Variants in ZUP1 observed in about 807,000 individuals in gnomAD.
The protein encoded by ZUP1 is zinc finger-containing ubiquitin peptidase 1.
ZUP1 carries 55 observed loss-of-function variants against 68.1 expected under a neutral mutation model. The observed-to-expected ratio is 0.81, with a 90% CI of 0.65 to 1.01. The LOEUF is 1.01. ZUP1 is among the 50% of genes least tolerant of loss of function. The probability of loss-of-function intolerance (pLI) is 0.00; values close to 1 mark genes in which losing one functional copy is unlikely to be tolerated. For missense variants in ZUP1, 684 were observed against 674.9 expected (o/e 1.01, Z -0.15); for synonymous variants, 223 against 221.5 (o/e 1.01, Z -0.06).
Position 116,660,959 on chromosome 6 carries a change from G to C in ZUP1, c.560-113C>G. 6 of 602,010 alleles carry C rather than the reference G, an allele frequency of 1.0e-5. No individual in the cohort carries two copies. In the South Asian group the frequency reaches 1.3e-4, roughly 13 times the overall value. 37.3% of individuals were successfully genotyped at this position (602,010 alleles called of 1,614,324 possible). A position where few individuals can be genotyped will look rare whatever the true frequency, so the allele number is the denominator to read the frequency against. ...CTGTTGCCCAGGCTGGCGTGCAGTG[G>C]CACCATCACGGCTCACTGCAGCAAT... On this transcript the variant is annotated intron_variant, in intron 2 of 9. Coordinates refer to ENST00000368576, the MANE Select transcript of ZUP1 (RefSeq NM_145062.3).
chr6:116,645,631 G>A, intron 9 of ZUP1, 83 bp downstream of exon 9: 13 of 856,018 alleles, frequency 1.5e-5, no homozygotes, highest in South Asian at 5.8e-5. Flanking sequence ...AGAAAAAAGT[G>A]ATAACACTGA....
At position 116,652,073 on chromosome 6, in the gene ZUP1, C is replaced by CACAA; in HGVS notation, c.1077_1080dup (p.Gly361LeufsTer17). 1 of 1,613,876 alleles carries CACAA rather than the reference C, an allele frequency of 6.2e-7. No individual in the cohort carries two copies. The highest frequency in any genetic ancestry group is 1.1e-5 in the South Asian group (1 of 91,060). The stretch of plus-strand genomic sequence containing the variant: ...AGTAGCATTTGGAAATTTCTGTAAC[C>CACAA]ACAACCCCAACCTTTGTCGCCTAAA... On this transcript the variant is annotated frameshift_variant, in exon 6 of 10. Transcript: ENST00000368576. LOFTEE classifies it high-confidence loss of function.
intron 1 of ZUP1, 48 bp from the exon 2 acceptor site, chr6:116,667,255 T>C: frequency 7.7e-7 from 1 of 1,298,950 alleles, no homozygotes; most frequent in East Asian, 2.5e-5. Flanking sequence ...AGAAAAAATG[T>C]GTTTCATAAA....
intron 9 of ZUP1, among the ~76,000 whole-genome samples, chr6:116,642,064 G>A (rs1019094524): frequency 1.2e-4 from 18 of 152,034 alleles, no homozygotes; most frequent in African/African-American, 3.9e-4. Context: ...ACACCTCTAC[G>A]CAAATAAACT....
chr6:116,656,725 G>A lies in ZUP1; in HGVS notation c.920C>T (p.Ser307Leu), dbSNP rs760363482. 3.1e-6 allele frequency: 5 copies of A among 1,609,790 alleles called. No individual in the cohort carries two copies. In the African/African-American group the frequency reaches 4.0e-5, roughly 13 times the overall value. ...TCCATCGTCAAAACCAAGAGCTAAT[G>A]ATTCCATCATATCAGCTTTTCTCCT... is the stretch of plus-strand genomic sequence containing the variant. ...FHRRKADMME[S>L]LALGFDDGKT... Residue 307 changes from serine (S) to leucine (L), a missense_variant, in exon 5 of 10, where the codon TCA becomes TTA. Coordinates refer to ENST00000368576, the MANE Select transcript of ZUP1 (RefSeq NM_145062.3).
At chr6:116,665,515 C>T (rs7757250) in intron 2 of ZUP1, among the ~76,000 whole-genome samples, 55,067 of 150,190 alleles carry the variant, frequency 0.37, 10,803 homozygotes, top group African/African-American at 0.51. Flanking sequence ...GAGAAAATAT[C>T]TGCAAAATAC....
intron 7 of ZUP1, among the ~76,000 whole-genome samples, chr6:116,649,325 A>C (rs1437313028): frequency 1.3e-5 from 2 of 152,200 alleles, no homozygotes; most frequent in Non-Finnish European, 2.9e-5. Context: ...ACGATCACAG[A>C]CATCTATCTC....
chr6:116,651,521 C>A, intron 7 of ZUP1, 51 bp downstream of exon 7: 1 of 1,467,630 alleles, frequency 6.8e-7, no homozygotes, highest in South Asian at 1.4e-5. Flanking sequence ...TTTTACAAAA[C>A]AAAGCTCCCC....
At chr6:116,647,686 A>C (rs1776356022) in intron 7 of ZUP1, 76 bp from the exon 8 acceptor site, 5 of 1,194,378 alleles carry the variant, frequency 4.2e-6, no homozygotes, top group Middle Eastern at 2.9e-4. Context: ...CAAATACAAC[A>C]AATTCTTAGT....
intron 3 of ZUP1, among the ~76,000 whole-genome samples, chr6:116,660,081 G>C (rs557688599): frequency 6.6e-6 from 1 of 152,272 alleles, no homozygotes; most frequent in African/African-American, 2.4e-5. Context: ...GAAACCACCA[G>C]AGCAGGGAAC....
rs773378568 is a variant in ZUP1, at chr6:116,656,689, G to T, written c.956C>A (p.Thr319Asn). Residue 319 changes from threonine (T) to asparagine (N), a missense_variant, in exon 5 of 10, where the codon ACT becomes AAT. Coordinates refer to ENST00000368576, the MANE Select transcript of ZUP1 (RefSeq NM_145062.3). ...ALGFDDGKTK[T>N]SGIIEALHRY... ...TCTGATGTTTAAATACTCACCGGAA[G>T]TTTTTGTTTTTCCATCGTCAAAACC... The T allele has an allele frequency of 1.2e-6, 2 of 1,609,090 alleles. No individual in the cohort carries two copies.
rs981367971 is a variant in ZUP1 at position 116,655,754 on chromosome 6, C to G, written c.961+930G>C. 3.3e-4 allele frequency among the ~76,000 whole-genome samples: 51 copies of G among 152,246 alleles called. 1 individual carries two copies. The highest frequency in any genetic ancestry group is 2.9e-3 in the Admixed American group (45 of 15,292). On this transcript the variant is annotated intron_variant, in intron 5 of 9. Coordinates refer to ENST00000368576, the MANE Select transcript of ZUP1 (RefSeq NM_145062.3). ...CTGTAACTTCTCTAAGCAACAGTGA[C>G]CTCATTTGGAATATATAACAGTACA...
At chr6:116,645,642 T>A in intron 9 of ZUP1, 72 bp downstream of exon 9, 1 of 1,210,378 alleles carries the variant, frequency 8.3e-7, no homozygotes, top group African/African-American at 1.6e-5. Context: ...ATAACACTGA[T>A]TTTAAACTAA....
intron 2 of ZUP1, among the ~76,000 whole-genome samples, chr6:116,661,603 T>C (rs926551698): frequency 6.6e-5 from 10 of 152,116 alleles, no homozygotes; most frequent in African/African-American, 2.4e-4. Context: ...GGCAGACAGG[T>C]CTAGCTTGCC....
At chr6:116,642,092 T>C (rs570771078) in intron 9 of ZUP1, among the ~76,000 whole-genome samples, 12 of 152,038 alleles carry the variant, frequency 7.9e-5, no homozygotes, top group African/African-American at 2.9e-4. Context: ...CTAGAAGAAA[T>C]GGATAAATTC....
intron 8 of ZUP1, among the ~76,000 whole-genome samples, chr6:116,646,421 T>A (rs1185446771): frequency 1.3e-5 from 2 of 152,198 alleles, no homozygotes; most frequent in Non-Finnish European, 2.9e-5. Context: ...TTACCAAGTA[T>A]CTATGTGCCG....
intron 9 of ZUP1, among the ~76,000 whole-genome samples, chr6:116,637,048 TAGTA>T (rs1427418306): frequency 6.6e-6 from 1 of 152,154 alleles, no homozygotes; most frequent in Non-Finnish European, 1.5e-5. Flanking sequence ...TATATTAAAT[TAGTA>T]AGATTAAATT....
chr6:116,667,065 T>G lies in ZUP1; in HGVS notation c.128A>C (p.Glu43Ala), dbSNP rs765948285. Residue 43 changes from glutamate to alanine, a missense_variant, in exon 2 of 10, where the codon GAA (glutamate) becomes GCA (alanine). Transcript: ENST00000368576. ...AGCTGTTTCGATATGAAAACACATT[T>G]CATCATAATTCACACCTGACAACTT... ...FCKLSGVNYD[E>A]MCFHIETAHF... 166 of 1,613,836 alleles carry G rather than the reference T, an allele frequency of 1.0e-4. 1 individual carries two copies. The East Asian group carries it at 3.5e-3, about 34-fold the overall frequency.
chr6:116,656,729 C>T lies in ZUP1; in HGVS notation c.916G>A (p.Glu306Lys). Residue 306 changes from glutamate to lysine, a missense_variant, in exon 5 of 10, where the codon GAA (glutamate) becomes AAA (lysine). Glu to Lys is a moderately conservative substitution (Grantham distance 56). Coordinates refer to ENST00000368576, the MANE Select transcript of ZUP1 (RefSeq NM_145062.3). ...EFHRRKADMM[E>K]SLALGFDDGK... The stretch of plus-strand genomic sequence containing the variant: ...TCGTCAAAACCAAGAGCTAATGATT[C>T]CATCATATCAGCTTTTCTCCTATGA... 1 of 1,611,012 alleles carries T rather than the reference C, an allele frequency of 6.2e-7. No homozygotes were observed. Among genetic ancestry groups the T allele is most frequent in the Non-Finnish European group, 8.5e-7 (1 of 1,178,906 alleles).
Sources: gnomAD v4.1 joint callset for allele counts (sites outside exome capture counted in the v4.1 genomes callset) on GRCh38, gnomAD v4.1.1 for gene constraint, MANE v1.5 for transcripts, NCBI Gene and HGNC (gene_info 2026-07-23, HGNC 2026-07-21) for gene names.